Variants in SCFD1 observed in about 807,000 individuals in gnomAD.
SCFD1 encodes sec1 family domain-containing protein 1.
SCFD1 carries 37 observed loss-of-function variants against 103.2 expected under a neutral mutation model. That is an observed-to-expected ratio of 0.36 (90% confidence interval 0.28 to 0.47). The LOEUF (loss-of-function observed/expected upper bound fraction) is 0.47, where lower values mean the gene tolerates loss of function less well. SCFD1 is among the 20% of genes least tolerant of loss of function. SCFD1 has a pLI of 1.00. For missense variants in SCFD1, 639 were observed against 761.2 expected (o/e 0.84, Z 1.89); for synonymous variants, 264 against 245.0 (o/e 1.08, Z -0.73).
At position 30,720,567 on chromosome 14, in the gene SCFD1, A is replaced by G. The variant is rs1032430745; in HGVS notation, c.1736+1190A>G. ...TCAGGGTTCGAAAATATTTGGGGGG[A>G]AAAACGGATGGTTGAATCTATACAG... On this transcript the variant is annotated intron_variant, in intron 21 of 24. Transcript: ENST00000458591. Among the ~76,000 whole-genome samples the G allele has an allele frequency of 2.6e-5, 4 of 152,022 alleles. No individual in the cohort carries two copies. In the South Asian group the frequency reaches 8.3e-4, roughly 32 times the overall value.
At chr14:30,667,662 G>A (rs1888123797) in intron 10 of SCFD1, among the ~76,000 whole-genome samples, 1 of 152,170 alleles carries the variant, frequency 6.6e-6, no homozygotes, top group African/African-American at 2.4e-5. Flanking sequence ...AAACCCTATT[G>A]TCTCAGCCCA....
chr14:30,699,454 G>A (rs779586224), intron 15 of SCFD1, among the ~76,000 whole-genome samples: 3 of 152,184 alleles, frequency 2.0e-5, no homozygotes, highest in Non-Finnish European at 4.4e-5. Flanking sequence ...CATGATAGAA[G>A]AACAGACAAT....
intron 23 of SCFD1, among the ~76,000 whole-genome samples, chr14:30,723,185 C>T (rs1162553065): frequency 6.6e-6 from 1 of 151,978 alleles, no homozygotes; most frequent in Non-Finnish European, 1.5e-5. Context: ...TCTTTATGTC[C>T]TTATGTCATG....
At chr14:30,727,779 G>A (rs1419260830) in intron 23 of SCFD1, among the ~76,000 whole-genome samples, 2 of 152,048 alleles carry the variant, frequency 1.3e-5, no homozygotes, top group Non-Finnish European at 2.9e-5. Context: ...CTTACCTGTG[G>A]AGCTGACAGC....
chr14:30,703,293 A>G (rs1052113710), intron 17 of SCFD1, among the ~76,000 whole-genome samples: 1 of 149,164 alleles, frequency 6.7e-6, no homozygotes, highest in Non-Finnish European at 1.5e-5. Flanking sequence ...TTTGCTTAGG[A>G]GATCAGGGAA....
chr14:30,734,944 A>C (rs1594784698), intron 24 of SCFD1, 86 bp downstream of exon 24: 2 of 1,076,388 alleles, frequency 1.9e-6, no homozygotes, highest in Non-Finnish European at 1.4e-6. Flanking sequence ...AAAACCACTT[A>C]CTCACCTGAA....
chr14:30,678,130 G>T (rs758518355), intron 14 of SCFD1, among the ~76,000 whole-genome samples: 1 of 151,990 alleles, frequency 6.6e-6, no homozygotes, highest in Non-Finnish European at 1.5e-5. Context: ...GAGCCACCGC[G>T]CCTGGCCGTA....
At chr14:30,635,940 A>G (rs1884678426) in intron 4 of SCFD1, among the ~76,000 whole-genome samples, 1 of 152,116 alleles carries the variant, frequency 6.6e-6, no homozygotes, top group Non-Finnish European at 1.5e-5. Context: ...TTTTTATTGT[A>G]GCCATCCTAA....
At chr14:30,717,332 C>A (rs1326378485) in intron 20 of SCFD1, among the ~76,000 whole-genome samples, 1 of 151,890 alleles carries the variant, frequency 6.6e-6, no homozygotes, top group Non-Finnish European at 1.5e-5. Flanking sequence ...AAAAAATTAG[C>A]CTGGTGTGGT....
chr14:30,726,859 A>G (rs1205306863), intron 23 of SCFD1, among the ~76,000 whole-genome samples: 1 of 152,210 alleles, frequency 6.6e-6, no homozygotes, highest in Non-Finnish European at 1.5e-5. Flanking sequence ...AATCGGGCTT[A>G]CCATAGGACT....
intron 10 of SCFD1, among the ~76,000 whole-genome samples, chr14:30,668,750 A>G (rs539724369): frequency 6.6e-6 from 1 of 152,362 alleles, no homozygotes; most frequent in South Asian, 2.1e-4. Context: ...GGATATGAAC[A>G]GACACTTTTC....
At position 30,653,543 on chromosome 14, in the gene SCFD1, T is replaced by C; in HGVS notation, c.810T>C (p.Pro270=). 1 of 1,613,706 alleles carries C rather than the reference T, an allele frequency of 6.2e-7. No individual in the cohort carries two copies. The highest frequency in any genetic ancestry group is 8.5e-7 in the Non-Finnish European group (1 of 1,179,690). The change falls in exon 10 of 25, where the codon CCT becomes CCC. Residue 270 remains proline (P), a synonymous_variant. Transcript: ENST00000458591. ...ACAGAAACATAGATTTGGCAACTCC[T>C]TTACATCATACTTGGACATATCAAG... ...LVDRNIDLAT[P]LHHTWTYQAL... is the part of the protein sequence containing the mutation.
intron 1 of SCFD1, among the ~76,000 whole-genome samples, chr14:30,626,218 T>G (rs1883425804): frequency 6.6e-6 from 1 of 152,086 alleles, no homozygotes; most frequent in African/African-American, 2.4e-5. Flanking sequence ...ATGTAAAACC[T>G]GTGGGCCTCT....
intron 4 of SCFD1, among the ~76,000 whole-genome samples, chr14:30,635,265 T>C (rs1594569426): frequency 6.6e-6 from 1 of 152,286 alleles, no homozygotes; most frequent in East Asian, 1.9e-4. Context: ...GAAATTATAA[T>C]TTACATACCA....
intron 14 of SCFD1, chr14:30,683,341 T>C (rs1330214350): frequency 1.6e-6 from 1 of 609,064 alleles, no homozygotes. Flanking sequence ...GGGTAGTCAC[T>C]GGGGAACTCT....
At chr14:30,648,107 T>G (rs1045076025) in intron 7 of SCFD1, among the ~76,000 whole-genome samples, 3 of 152,236 alleles carry the variant, frequency 2.0e-5, no homozygotes, top group Non-Finnish European at 4.4e-5. Flanking sequence ...CTTAGTAGAT[T>G]ATATGTAGAA....
intron 14 of SCFD1, among the ~76,000 whole-genome samples, chr14:30,682,798 G>A (rs1889592619): frequency 6.6e-6 from 1 of 152,104 alleles, no homozygotes. Context: ...TTCAGCTTAG[G>A]TGTAGGTGAT....
rs555681697 is a variant in SCFD1, at chr14:30,645,811, T to G, written c.613+2406T>G. On this transcript the variant is annotated intron_variant, in intron 7 of 24. Transcript: ENST00000458591. ...CTTCCTCTCTTCCTATTAGGATGCC[T>G]TTTATTTCTTTCTCTTGCCTGATTG... Among the ~76,000 whole-genome samples, 233 of 152,266 alleles carry G rather than the reference T, an allele frequency of 1.5e-3. 2 individuals are homozygous for G. The highest frequency in any genetic ancestry group is 0.01 in the Middle Eastern group (3 of 294).
chr14:30,666,981 G>C (rs1257050133), intron 10 of SCFD1, among the ~76,000 whole-genome samples: 1 of 152,096 alleles, frequency 6.6e-6, no homozygotes, highest in Non-Finnish European at 1.5e-5. Flanking sequence ...GAGATACAAA[G>C]AGAAGCTGGT....
Sources: allele counts gnomAD v4.1 joint callset (sites outside exome capture counted in the v4.1 genomes callset), GRCh38; gene constraint gnomAD v4.1.1; transcripts MANE v1.5; gene names NCBI Gene and HGNC (gene_info 2026-07-23, HGNC 2026-07-21).